Variants in PCDH15 observed in about 807,000 individuals in gnomAD.
The protein encoded by PCDH15 is protocadherin-15.
PCDH15 carries 129 observed loss-of-function variants against 178.5 expected under a neutral mutation model. The observed-to-expected ratio is 0.72, with a 90% CI of 0.63 to 0.84. The LOEUF (loss-of-function observed/expected upper bound fraction) is 0.84, where lower values mean the gene tolerates loss of function less well. Among genes scored for constraint, PCDH15 ranks in the 40% least tolerant of loss-of-function variants. The pLI, the probability that PCDH15 is intolerant of heterozygous loss-of-function variation, is 0.00. For synonymous variants in PCDH15, 800 were observed against 732.0 expected (o/e 1.09, Z -1.50); for missense variants, 2,230 against 2,099.9 (o/e 1.06, Z -1.21).
intron 2 of PCDH15, among the ~76,000 whole-genome samples, chr10:55,070,094 T>A (rs1841688835): frequency 6.6e-6 from 1 of 151,176 alleles, no homozygotes; most frequent in South Asian, 2.1e-4. Context: ...AAGTGTCTGT[T>A]CATGTCCTTC....
chr10:54,175,743 A>T (rs2047368661), intron 13 of PCDH15, among the ~76,000 whole-genome samples: 1 of 152,188 alleles, frequency 6.6e-6, no homozygotes, highest in Admixed American at 6.5e-5. Flanking sequence ...TCTGTCACTT[A>T]AAACCCTCGT....
chr10:54,825,504 T>C (rs1205088277), intron 3 of PCDH15, among the ~76,000 whole-genome samples: 1 of 147,764 alleles, frequency 6.8e-6, no homozygotes, highest in Non-Finnish European at 1.5e-5. Flanking sequence ...TGTAAAAGTG[T>C]TCCTATTTCT....
intron 2 of PCDH15, among the ~76,000 whole-genome samples, chr10:54,990,921 C>T (rs1177162788): frequency 6.6e-6 from 1 of 151,764 alleles, no homozygotes; most frequent in Non-Finnish European, 1.5e-5. Context: ...GTTGCCTGCT[C>T]CAAACTATTA....
chr10:54,234,575 T>C (rs780771915), intron 9 of PCDH15, among the ~76,000 whole-genome samples: 9 of 152,070 alleles, frequency 5.9e-5, no homozygotes, highest in Non-Finnish European at 8.8e-5. Flanking sequence ...TAAGAAGGAC[T>C]AATTTCAGGT....
intron 3 of PCDH15, among the ~76,000 whole-genome samples, chr10:54,412,232 A>G (rs1191415426): frequency 6.7e-6 from 1 of 149,490 alleles, no homozygotes; most frequent in Non-Finnish European, 1.5e-5. Context: ...AAAAATATAC[A>G]TCTTCTTAAA....
chr10:54,939,559 A>T (rs551538244), intron 2 of PCDH15, among the ~76,000 whole-genome samples: 113 of 146,236 alleles, frequency 7.7e-4, no homozygotes, highest in African/African-American at 2.7e-3. Flanking sequence ...GGTAGTTCGT[A>T]GTATTCATTT....
At chr10:54,610,580 A>C (rs2134236895) in intron 2 of PCDH15, among the ~76,000 whole-genome samples, 1 of 152,050 alleles carries the variant, frequency 6.6e-6, no homozygotes, top group South Asian at 2.1e-4. Flanking sequence ...GGCTAGACAA[A>C]ACAATCCCTG....
At chr10:55,608,952 G>A (rs376262732) in intron 2 of PCDH15, among the ~76,000 whole-genome samples, 1 of 150,490 alleles carries the variant, frequency 6.6e-6, no homozygotes, top group East Asian at 2.0e-4. Flanking sequence ...AGGCCAGAAG[G>A]GTTAATTTCT....
At chr10:55,213,119 C>G (rs569182303) in intron 1 of PCDH15, among the ~76,000 whole-genome samples, 1 of 151,892 alleles carries the variant, frequency 6.6e-6, no homozygotes, top group Non-Finnish European at 1.5e-5. Flanking sequence ...CAATTTCTGG[C>G]GTAGAAATTA....
intron 2 of PCDH15, among the ~76,000 whole-genome samples, chr10:55,011,323 A>G (rs757886523): frequency 6.6e-6 from 1 of 152,142 alleles, no homozygotes; most frequent in Non-Finnish European, 1.5e-5. Flanking sequence ...CTATTTCTGA[A>G]ATTGAGACAG....
chr10:55,481,022 T>C (rs1005395402), intron 2 of PCDH15, among the ~76,000 whole-genome samples: 6 of 151,818 alleles, frequency 4.0e-5, no homozygotes, highest in Non-Finnish European at 7.4e-5. Flanking sequence ...GAACTCATTA[T>C]TGGTCTGATC....
At chr10:54,331,613 A>G (rs185110466) in intron 6 of PCDH15, among the ~76,000 whole-genome samples, 1 of 152,178 alleles carries the variant, frequency 6.6e-6, no homozygotes, top group Non-Finnish European at 1.5e-5. Flanking sequence ...ACCTTAGTTA[A>G]TAATTGCTGT....
intron 8 of PCDH15, among the ~76,000 whole-genome samples, chr10:54,252,972 C>A (rs1291005808): frequency 6.6e-6 from 1 of 151,846 alleles, no homozygotes; most frequent in Non-Finnish European, 1.5e-5. Flanking sequence ...ATTGTAGATA[C>A]TCGATTGCCA....
At chr10:55,201,073 C>T (rs1039913423) in intron 1 of PCDH15, among the ~76,000 whole-genome samples, 1 of 152,062 alleles carries the variant, frequency 6.6e-6, no homozygotes, top group Admixed American at 6.6e-5. Flanking sequence ...AGTATAGTGA[C>T]TGGTTGAGCA....
At chr10:54,458,820 C>T (rs923486077) in intron 3 of PCDH15, among the ~76,000 whole-genome samples, 8 of 152,132 alleles carry the variant, frequency 5.3e-5, no homozygotes, top group African/African-American at 1.9e-4. Flanking sequence ...CACGTACTAG[C>T]TGTCTGACCT....
At chr10:55,402,650 A>T (rs1392128428) in intron 2 of PCDH15, among the ~76,000 whole-genome samples, 1 of 151,984 alleles carries the variant, frequency 6.6e-6, no homozygotes, top group Non-Finnish European at 1.5e-5. Flanking sequence ...AAATGACAGG[A>T]TTTCATTAAT....
chr10:55,427,323 A>G (rs1838781140), intron 2 of PCDH15, among the ~76,000 whole-genome samples: 1 of 152,202 alleles, frequency 6.6e-6, no homozygotes. Context: ...TGTTGGATAC[A>G]AAGAACACAA....
At chr10:53,969,680 C>T (rs1478846617) in intron 21 of PCDH15, among the ~76,000 whole-genome samples, 1 of 152,152 alleles carries the variant, frequency 6.6e-6, no homozygotes, top group African/African-American at 2.4e-5. Flanking sequence ...ATGTACAAGT[C>T]AGAAGAGAGC....
intron 3 of PCDH15, among the ~76,000 whole-genome samples, chr10:54,424,055 A>G (rs993119907): frequency 2.6e-5 from 4 of 152,058 alleles, no homozygotes; most frequent in East Asian, 1.9e-4. Flanking sequence ...AGCAAAAGAA[A>G]CTACCATCAG....
Sources: gnomAD v4.1 joint callset for allele counts (sites outside exome capture counted in the v4.1 genomes callset) on GRCh38, gnomAD v4.1.1 for gene constraint, MANE v1.5 for transcripts, NCBI Gene and HGNC (gene_info 2026-07-23, HGNC 2026-07-21) for gene names.